Variants in CTBP1 observed in about 807,000 individuals in gnomAD.
The protein encoded by CTBP1 is C-terminal-binding protein 1.
Under a neutral mutation model 42.1 loss-of-function variants are expected in CTBP1, and 11 were observed. That is an observed-to-expected ratio of 0.26 (90% confidence interval 0.16 to 0.43). CTBP1 has a LOEUF of 0.43. Among genes scored for constraint, CTBP1 ranks in the 20% least tolerant of loss-of-function variants. CTBP1 has a pLI of 1.00. For missense variants in CTBP1, 399 were observed against 624.3 expected (o/e 0.64, Z 3.85); for synonymous variants, 324 against 277.1 (o/e 1.17, Z -1.68).
Position 1,241,539 on chromosome 4 carries a change from G to C in CTBP1, c.-188-20C>G, listed in dbSNP as rs1408594110. The C allele has an allele frequency of 6.3e-7, 1 of 1,579,118 alleles. No homozygotes were observed. Among genetic ancestry groups the C allele is most frequent in the Admixed American group, 1.7e-5 (1 of 57,192 alleles). On this transcript the variant is annotated intron_variant, in intron 1 of 9. Transcript: ENST00000382952. The stretch of plus-strand genomic sequence containing the variant: ...GTCTTACTAAAAATCAAACACAAGA[G>C]ACACATTAAAATGCCATCGAAGGTC...
chr4:1,239,368 G>A (rs916529425), intron 2 of CTBP1, among the ~76,000 whole-genome samples: 13 of 152,172 alleles, frequency 8.5e-5, no homozygotes, highest in Non-Finnish European at 1.6e-4. Context: ...TCCAAAGACC[G>A]GCCACAGGAG....
At position 1,235,230 on chromosome 4, in the gene CTBP1, C is replaced by A. The variant is rs1488037296; in HGVS notation, c.162+2953G>T. 1 of 152,172 alleles carries A rather than the reference C, an allele frequency of 6.6e-6. No homozygotes were observed. The highest frequency in any genetic ancestry group is 2.4e-5 in the African/African-American group (1 of 41,414). 9.4% of individuals were successfully genotyped at this position (152,172 alleles called of 1,614,324 possible). Reference sequence around the variant, plus strand: ...ACGTGCAGGTCTGTGTGTGGACGCGCATTCCGAGTCTCCGGGATAAAGGAG... The same window carrying A: ...ACGTGCAGGTCTGTGTGTGGACGCGAATTCCGAGTCTCCGGGATAAAGGAG... On this transcript the variant is annotated intron_variant, in intron 3 of 9. Transcript: ENST00000382952. This position sits in a 1 kb window ranked among gnomAD's most constrained non-coding sequence, Gnocchi z 4.2.
chr4:1,248,979 C>T lies in CTBP1; in HGVS notation c.-252G>A. On this transcript the variant is annotated 5_prime_UTR_variant, in exon 1 of 10. Coordinates refer to ENST00000382952, the MANE Select transcript of CTBP1 (RefSeq NM_001012614.2). ...ATCGAGAGGCGCGAGCGGCCGCGGG[C>T]CCCGACCACTCCGGCGCGCTGCGCC... 1.0e-6 allele frequency: 1 copy of T among 985,508 alleles called. No homozygotes were observed. Among genetic ancestry groups the T allele is most frequent in the Non-Finnish European group, 1.2e-6 (1 of 829,078 alleles). The allele number at this position is 985,508 out of a possible 1,614,324, so 61.0% of individuals were successfully genotyped here. A position where few individuals can be genotyped will look rare whatever the true frequency, so the allele number is the denominator to read the frequency against.
chr4:1,248,316 C>T (rs906022647), intron 1 of CTBP1, among the ~76,000 whole-genome samples: 2 of 151,762 alleles, frequency 1.3e-5, no homozygotes, highest in Non-Finnish European at 2.9e-5. Flanking sequence ...CCGGGGGCTG[C>T]GCTTTGGGCC....
chr4:1,212,597 T>TCCCCTCCCCAGCCCTGA, intron 9 of CTBP1, 174 bp from the exon 10 acceptor site: 1 of 656,866 alleles, frequency 1.5e-6, no homozygotes, highest in Non-Finnish European at 2.5e-6. Context: ...TTCTCAGGGC[T>TCCCCTCCCCAGCCCTGA]GGGGAGGGGA....
chr4:1,238,111 T>G lies in CTBP1; in HGVS notation c.162+72A>C, dbSNP rs2108785741. ...ACCCAGACCTGCTGTGGCCCGGGCC[T>G]GCCGTGCTCCCGTCCCTCCAACTCC... On this transcript the variant is annotated intron_variant, in intron 3 of 9. Coordinates refer to ENST00000382952, the MANE Select transcript of CTBP1 (RefSeq NM_001012614.2). This position sits in a 1 kb window ranked among gnomAD's most constrained non-coding sequence, Gnocchi z 5.9. 1 of 1,599,520 alleles carries G rather than the reference T, an allele frequency of 6.3e-7. No individual in the cohort carries two copies. The highest frequency in any genetic ancestry group is 8.5e-7 in the Non-Finnish European group (1 of 1,170,100).
chr4:1,222,735 T>G (rs1264877213), intron 5 of CTBP1, among the ~76,000 whole-genome samples: 1 of 152,106 alleles, frequency 6.6e-6, no homozygotes, highest in Non-Finnish European at 1.5e-5. Context: ...AGGGGCTGGT[T>G]GGGCCCAGCT....
In CTBP1 at chr4:1,248,908, G is replaced by A; in HGVS notation, c.-189+8C>T. 7 of 977,568 alleles carry A rather than the reference G, an allele frequency of 7.2e-6. No homozygotes were observed. Among genetic ancestry groups the A allele is most frequent in the Non-Finnish European group, 8.5e-6 (7 of 822,312 alleles). 60.6% of individuals were successfully genotyped at this position (977,568 alleles called of 1,614,324 possible). ...CGCGGCCGGAAACGCGCGCGCGCGCGGCCTTACCAAGCGGCAGGCCCTTGT... is the reference window on the plus strand; with the variant it reads ...CGCGGCCGGAAACGCGCGCGCGCGCAGCCTTACCAAGCGGCAGGCCCTTGT... On this transcript the variant is annotated splice_region_variant and intron_variant, in intron 1 of 9. Coordinates refer to ENST00000382952, the MANE Select transcript of CTBP1 (RefSeq NM_001012614.2).
At chr4:1,237,504 G>C in intron 3 of CTBP1, 2 of 683,054 alleles carry the variant, frequency 2.9e-6, no homozygotes, top group South Asian at 3.0e-5. Flanking sequence ...AAAACCCCGT[G>C]TCCACCTCCT....
upstream of CTBP1, chr4:1,249,908 C>G (rs532095685): frequency 1.1e-5 from 2 of 183,216 alleles, no homozygotes; most frequent in Non-Finnish European, 2.4e-5. Context: ...GGTGAAGCCC[C>G]GACCCGGGAG....
chr4:1,225,891 C>T (rs3775106), intron 4 of CTBP1, among the ~76,000 whole-genome samples: 8,241 of 151,644 alleles, frequency 0.054, 352 homozygotes, highest in East Asian at 0.21. Context: ...GAGACAAGCA[C>T]GTGTCTCCCC....
At chr4:1,230,922 G>A (rs569341517) in intron 3 of CTBP1, among the ~76,000 whole-genome samples, 12 of 152,272 alleles carry the variant, frequency 7.9e-5, no homozygotes, top group Non-Finnish European at 1.3e-4. Flanking sequence ...GCTGTGAAGC[G>A]CAAGCTGCCT....
At chr4:1,227,499 G>T (rs79315837) in intron 4 of CTBP1, among the ~76,000 whole-genome samples, 8,190 of 149,388 alleles carry the variant, frequency 0.055, 312 homozygotes, top group East Asian at 0.18. Flanking sequence ...CATGTGCACG[G>T]GTGCAGATGA....
At position 1,238,166 on chromosome 4, in the gene CTBP1, C is replaced by G. The variant is rs556601500; in HGVS notation, c.162+17G>C. 3.7e-6 allele frequency: 6 copies of G among 1,612,422 alleles called. No homozygotes were observed. In the Admixed American group the frequency reaches 6.7e-5, roughly 18 times the overall value. On this transcript the variant is annotated intron_variant, in intron 3 of 9. Coordinates refer to ENST00000382952, the MANE Select transcript of CTBP1 (RefSeq NM_001012614.2). This position sits in a 1 kb window ranked among gnomAD's most constrained non-coding sequence, Gnocchi z 5.9. ...AACGTGCGGTTCTGCCAGCCCCAGG[C>G]GACCACGTGGTGGTACCTTCTCATG...
At chr4:1,242,253 C>T (rs1732254853) in intron 1 of CTBP1, 1 of 985,418 alleles carries the variant, frequency 1.0e-6, no homozygotes, top group Non-Finnish European at 1.2e-6. Context: ...CACACGATCG[C>T]CCAGCCCTCG....
intron 4 of CTBP1, among the ~76,000 whole-genome samples, chr4:1,227,654 G>A (rs1322289774): frequency 2.0e-5 from 3 of 148,880 alleles, no homozygotes; most frequent in African/African-American, 7.5e-5. Context: ...GCATGTGCAT[G>A]GGTGCAGATG....
At chr4:1,249,716 C>T, upstream of CTBP1, 1 of 399,812 alleles carries the variant, frequency 2.5e-6, no homozygotes, top group Non-Finnish European at 5.0e-6. Flanking sequence ...CGTCCCCAGG[C>T]GGGGGAGCCC....
chr4:1,231,063 C>T (rs1730915984), intron 3 of CTBP1: 1 of 152,280 alleles, frequency 6.6e-6, no homozygotes, highest in Non-Finnish European at 1.5e-5. Flanking sequence ...CTACAGGAAT[C>T]TGAACATGGC....
chr4:1,215,814 G>A, intron 6 of CTBP1, 177 bp downstream of exon 6: 1 of 642,884 alleles, frequency 1.6e-6, no homozygotes, highest in South Asian at 1.9e-5. Flanking sequence ...TCAGAACACA[G>A]AAAACGCTGT....
Sources: allele counts gnomAD v4.1 joint callset (sites outside exome capture counted in the v4.1 genomes callset), GRCh38; gene constraint gnomAD v4.1.1; non-coding constraint Gnocchi (gnomAD v3.1); transcripts MANE v1.5; gene names NCBI Gene and HGNC (gene_info 2026-07-23, HGNC 2026-07-21).